SEMA3A: variants seen among roughly 807,000 people sequenced by gnomAD.
SEMA3A encodes semaphorin 3A, also known as semaphorin-3A.
Under a neutral mutation model 97.9 loss-of-function variants are expected in SEMA3A, and 29 were observed. The observed-to-expected ratio is 0.30, with a 90% CI of 0.22 to 0.40. The LOEUF is 0.40. SEMA3A is among the 10% of genes least tolerant of loss of function. The probability of loss-of-function intolerance (pLI) is 1.00; values close to 1 mark genes in which losing one functional copy is unlikely to be tolerated. For synonymous variants in SEMA3A, 321 were observed against 323.7 expected (o/e 0.99, Z 0.09); for missense variants, 763 against 951.3 (o/e 0.80, Z 2.60).
At chr7:84,106,322 A>G (rs185547578) in intron 4 of SEMA3A, among the ~76,000 whole-genome samples, 13 of 152,256 alleles carry the variant, frequency 8.5e-5, no homozygotes, top group African/African-American at 3.1e-4. Flanking sequence ...ACTTATTATT[A>G]TGCTACACAT....
At chr7:84,246,952 G>A (rs1799488577) in intron 3 of SEMA3A, among the ~76,000 whole-genome samples, 1 of 152,102 alleles carries the variant, frequency 6.6e-6, no homozygotes, top group Admixed American at 6.5e-5. Context: ...ATGATATAAT[G>A]TAATACAAAG....
intron 1 of SEMA3A, among the ~76,000 whole-genome samples, chr7:84,146,290 G>A (rs1422031850): frequency 6.6e-6 from 1 of 152,096 alleles, no homozygotes; most frequent in Non-Finnish European, 1.5e-5. Context: ...AAGATCTAGA[G>A]GGATCTTTAG....
chr7:84,477,228 G>A (rs1806313370), intron 1 of SEMA3A, among the ~76,000 whole-genome samples: 1 of 150,826 alleles, frequency 6.6e-6, no homozygotes, highest in South Asian at 2.1e-4. Context: ...CACAAGGTCA[G>A]GAGTTCAAGA....
At chr7:84,069,075 A>T (rs970605040) in intron 4 of SEMA3A, among the ~76,000 whole-genome samples, 1 of 152,166 alleles carries the variant, frequency 6.6e-6, no homozygotes, top group African/African-American at 2.4e-5. Flanking sequence ...TTTCCTTTCC[A>T]GTCTAGTGAG....
chr7:84,083,602 T>C (rs1375010263), intron 4 of SEMA3A, among the ~76,000 whole-genome samples: 1 of 152,038 alleles, frequency 6.6e-6, no homozygotes, highest in Non-Finnish European at 1.5e-5. Context: ...TCTTCATATC[T>C]ACCTCCCGAC....
intron 1 of SEMA3A, among the ~76,000 whole-genome samples, chr7:84,419,636 T>C (rs1483958424): frequency 6.6e-6 from 1 of 152,026 alleles, no homozygotes; most frequent in Non-Finnish European, 1.5e-5. Context: ...AAAGTGCCTA[T>C]GTACACTGGA....
intron 3 of SEMA3A, among the ~76,000 whole-genome samples, chr7:84,246,877 T>G (rs1047194068): frequency 6.6e-6 from 1 of 152,050 alleles, no homozygotes; most frequent in Non-Finnish European, 1.5e-5. Flanking sequence ...CTATTTATAG[T>G]AGAAAATGAT....
intron 4 of SEMA3A, among the ~76,000 whole-genome samples, chr7:84,073,896 C>T (rs1019191178): frequency 8.9e-5 from 13 of 145,422 alleles, no homozygotes; most frequent in African/African-American, 3.4e-4. Context: ...AAAAATGAAG[C>T]AAATCATACA....
chr7:84,351,327 T>A (rs959946919), intron 2 of SEMA3A, among the ~76,000 whole-genome samples: 4 of 152,118 alleles, frequency 2.6e-5, no homozygotes, highest in African/African-American at 9.7e-5. Context: ...TGCGTAAGCC[T>A]TTGAAAAACA....
At chr7:83,971,056 T>C (rs1393936174) in intron 15 of SEMA3A, among the ~76,000 whole-genome samples, 1 of 152,180 alleles carries the variant, frequency 6.6e-6, no homozygotes, top group Non-Finnish European at 1.5e-5. Context: ...ACATAAACTA[T>C]TTAAAAATTT....
intron 1 of SEMA3A, among the ~76,000 whole-genome samples, chr7:84,478,519 T>G (rs983221280): frequency 6.6e-6 from 1 of 152,112 alleles, no homozygotes; most frequent in African/African-American, 2.4e-5. Flanking sequence ...TGGAATATAT[T>G]AACATGAAAT....
intron 4 of SEMA3A, among the ~76,000 whole-genome samples, chr7:84,061,003 G>C (rs1418321767): frequency 6.6e-6 from 1 of 152,156 alleles, no homozygotes; most frequent in Non-Finnish European, 1.5e-5. Context: ...AATCTTGTCA[G>C]TATGTACTTT....
intron 1 of SEMA3A, among the ~76,000 whole-genome samples, chr7:84,433,526 G>A (rs988264692): frequency 5.9e-5 from 9 of 152,022 alleles, no homozygotes; most frequent in African/African-American, 1.4e-4. Flanking sequence ...GAACAGTGCT[G>A]GAATAAACAT....
At chr7:84,227,014 T>C (rs187747247) in intron 3 of SEMA3A, among the ~76,000 whole-genome samples, 5 of 152,194 alleles carry the variant, frequency 3.3e-5, no homozygotes, top group Admixed American at 2.6e-4. Context: ...AGAGCAGCTA[T>C]GCTGTACAAG....
rs1231017573 is a variant in SEMA3A at position 84,138,922 on chromosome 7, A to AT, written c.113-3972dup. 6.6e-5 allele frequency among the ~76,000 whole-genome samples: 10 copies of AT among 151,548 alleles called. No homozygotes were observed. The South Asian group carries it at 8.3e-4, about 13-fold the overall frequency. On this transcript the variant is annotated intron_variant, in intron 1 of 16. Transcript: ENST00000265362. ...AGAAACATGGGTTAAAATCAGACAC[A>AT]TTTTTTTTTCCAAATCTAGTTCTCA...
At chr7:84,102,425 G>C (rs1794983756) in intron 4 of SEMA3A, among the ~76,000 whole-genome samples, 1 of 152,030 alleles carries the variant, frequency 6.6e-6, no homozygotes, top group Non-Finnish European at 1.5e-5. Flanking sequence ...AACTGGATGA[G>C]ACATTAATCC....
At chr7:84,225,877 T>C (rs1395414616) in intron 3 of SEMA3A, among the ~76,000 whole-genome samples, 1 of 152,134 alleles carries the variant, frequency 6.6e-6, no homozygotes, top group Non-Finnish European at 1.5e-5. Flanking sequence ...AGCAGTTGCA[T>C]GAAGATTAAT....
chr7:84,145,076 T>C (rs966066606), intron 1 of SEMA3A, among the ~76,000 whole-genome samples: 2 of 152,160 alleles, frequency 1.3e-5, no homozygotes, highest in South Asian at 2.1e-4. Flanking sequence ...ATGCCATCTA[T>C]AGTCTCACAG....
intron 10 of SEMA3A, among the ~76,000 whole-genome samples, chr7:84,006,399 T>C (rs1016667044): frequency 2.0e-5 from 3 of 151,954 alleles, no homozygotes; most frequent in African/African-American, 7.2e-5. Flanking sequence ...AAAAGTGTTA[T>C]TCAAAGTGTT....
Sources: gnomAD v4.1 joint callset for allele counts (sites outside exome capture counted in the v4.1 genomes callset) on GRCh38, gnomAD v4.1.1 for gene constraint, MANE v1.5 for transcripts, NCBI Gene and HGNC (gene_info 2026-07-23, HGNC 2026-07-21) for gene names.